YAP1: variants seen among roughly 807,000 people sequenced by gnomAD.
YAP1 encodes the protein transcriptional coactivator YAP1.
A neutral mutation model predicts 56.9 loss-of-function variants in YAP1; 5 were observed. That is an observed-to-expected ratio of 0.09 (90% CI 0.05 to 0.18). The LOEUF is 0.18. Among genes scored for constraint, YAP1 ranks in the 10% least tolerant of loss-of-function variants. The pLI is 1.00. For missense variants in YAP1, 539 were observed against 651.8 expected (o/e 0.83, Z 1.88); for synonymous variants, 265 against 248.1 (o/e 1.07, Z -0.64).
Position 102,230,051 on chromosome 11 carries a change from C to T in YAP1, c.*111C>T, listed in dbSNP as rs1167576429. On this transcript the variant is annotated 3_prime_UTR_variant, in exon 9 of 9. Coordinates refer to ENST00000282441, the MANE Select transcript of YAP1 (RefSeq NM_001130145.3). ...TCAGGCTAATACAGAAAAAGATGAA[C>T]AAACGTCCAGCAAGATACTTTAATC... 5 of 893,086 alleles carry T rather than the reference C, an allele frequency of 5.6e-6. No individual in the cohort carries two copies. The highest frequency in any genetic ancestry group is 8.8e-6 in the Non-Finnish European group (5 of 567,954). 55.3% of individuals were successfully genotyped at this position (893,086 alleles called of 1,614,324 possible).
chr11:102,126,887 A>G (rs2135201288), intron 2 of YAP1, among the ~76,000 whole-genome samples: 1 of 152,296 alleles, frequency 6.6e-6, no homozygotes, highest in African/African-American at 2.4e-5. Context: ...GAAATGAGGA[A>G]CTTCTTGGGA....
At chr11:102,159,825 A>G (rs1054775927) in intron 2 of YAP1, among the ~76,000 whole-genome samples, 7 of 152,098 alleles carry the variant, frequency 4.6e-5, no homozygotes, top group Admixed American at 2.6e-4. Context: ...TCTTTTCCAC[A>G]GAGGAGTCTT....
At chr11:102,177,194 A>G (rs1417249103) in intron 3 of YAP1, among the ~76,000 whole-genome samples, 2 of 152,076 alleles carry the variant, frequency 1.3e-5, no homozygotes, top group Non-Finnish European at 2.9e-5. Flanking sequence ...ATGTGGAGGA[A>G]TAGATAGAGC....
In YAP1 at chr11:102,230,705, G is replaced by A. The variant is rs1408826279; in HGVS notation, c.*765G>A. On this transcript the variant is annotated 3_prime_UTR_variant, in exon 9 of 9. Coordinates refer to ENST00000282441, the MANE Select transcript of YAP1 (RefSeq NM_001130145.3). ...GGCAGGGTCGGTGGGGGGGTTGGTT[G>A]GTTGGTTGGTTTTGTCGGAACCTAG... is the stretch of plus-strand genomic sequence containing the variant. 1 of 152,368 alleles carries A rather than the reference G, an allele frequency of 6.6e-6. No individual in the cohort carries two copies. Among genetic ancestry groups the A allele is most frequent in the African/African-American group, 2.4e-5 (1 of 41,364 alleles). The allele number at this position is 152,368 out of a possible 1,614,324, so 9.4% of individuals were successfully genotyped here.
At chr11:102,179,205 G>A (rs1253974443) in intron 3 of YAP1, among the ~76,000 whole-genome samples, 1 of 152,006 alleles carries the variant, frequency 6.6e-6, no homozygotes, top group Admixed American at 6.6e-5. Flanking sequence ...TTTTGCTATA[G>A]GGCCTACTTT....
In YAP1 at chr11:102,229,744, G is replaced by T; in HGVS notation, c.1319G>T (p.Arg440Leu). The T allele has an allele frequency of 1.2e-6, 2 of 1,614,122 alleles. No homozygotes were observed. Among genetic ancestry groups the T allele is most frequent in the Non-Finnish European group, 1.7e-6 (2 of 1,179,994 alleles). Residue 440 changes from arginine (R) to leucine (L), a missense_variant, in exon 9 of 9, where the codon CGT (arginine) becomes CTT (leucine). Coordinates refer to ENST00000282441, the MANE Select transcript of YAP1 (RefSeq NM_001130145.3). ...NQSTLPSQQN[R>L]FPDYLEAIPG... The stretch of plus-strand genomic sequence containing the variant: ...AGCACCCTGCCCTCACAGCAGAACC[G>T]TTTCCCAGACTACCTTGAAGCCATT...
At chr11:102,116,594 G>A (rs1943302332) in intron 2 of YAP1, among the ~76,000 whole-genome samples, 1 of 152,120 alleles carries the variant, frequency 6.6e-6, no homozygotes, top group Non-Finnish European at 1.5e-5. Flanking sequence ...AGATAAACCA[G>A]GCTAAAATAA....
intron 2 of YAP1, among the ~76,000 whole-genome samples, chr11:102,129,667 TG>T (rs1944257323): frequency 6.6e-6 from 1 of 151,758 alleles, no homozygotes; most frequent in Non-Finnish European, 1.5e-5. Context: ...GGCTGAGATG[TG>T]TTAGGACCCT....
intron 2 of YAP1, among the ~76,000 whole-genome samples, chr11:102,136,149 T>C (rs992505269): frequency 6.6e-6 from 1 of 152,222 alleles, no homozygotes. Flanking sequence ...AGTATACCAC[T>C]GTGGTTTTAA....
In YAP1 at chr11:102,110,995, C is replaced by G. The variant is rs1371025984; in HGVS notation, c.147C>G (p.Pro49=). The G allele has an allele frequency of 1.9e-6, 3 of 1,561,838 alleles. No individual in the cohort carries two copies. Among genetic ancestry groups the G allele is most frequent in the East Asian group, 5.1e-5 (2 of 39,104 alleles). ...CCCAGGCGGCGCCGCAGGCACCCCC[C>G]GCCGGGCATCAGATCGTGCACGTCC... The part of the protein sequence containing the change: ...AATQAAPQAP[P]AGHQIVHVRG... The change falls in exon 1 of 9, where the codon CCC becomes CCG. Residue 49 remains proline, a synonymous_variant. Transcript: ENST00000282441.
At chr11:102,135,743 T>A (rs1944636593) in intron 2 of YAP1, among the ~76,000 whole-genome samples, 1 of 152,194 alleles carries the variant, frequency 6.6e-6, no homozygotes, top group African/African-American at 2.4e-5. Flanking sequence ...GTAAAAAAAT[T>A]GGTGGTCATT....
In YAP1 at chr11:102,110,994, C is replaced by G; in HGVS notation, c.146C>G (p.Pro49Arg). Residue 49 changes from proline (P) to arginine (R), a missense_variant, in exon 1 of 9, where the codon CCC becomes CGC. By Grantham distance (103) the Pro-to-Arg change is moderately radical. Coordinates refer to ENST00000282441, the MANE Select transcript of YAP1 (RefSeq NM_001130145.3). ...AATQAAPQAP[P>R]AGHQIVHVRG... is the part of the protein sequence containing the mutation. ...ACCCAGGCGGCGCCGCAGGCACCCCCCGCCGGGCATCAGATCGTGCACGTC... is the reference window on the plus strand; with the variant it reads ...ACCCAGGCGGCGCCGCAGGCACCCCGCGCCGGGCATCAGATCGTGCACGTC... 1 of 1,560,934 alleles carries G rather than the reference C, an allele frequency of 6.4e-7. No homozygotes were observed. The highest frequency in any genetic ancestry group is 1.2e-5 in the South Asian group (1 of 86,522).
In YAP1 at chr11:102,144,688, G is replaced by A. The variant is rs150509576; in HGVS notation, c.573-17768G>A. Among the ~76,000 whole-genome samples the A allele has an allele frequency of 5.8e-3, 882 of 152,150 alleles. 10 individuals are homozygous for A. The highest frequency in any genetic ancestry group is 0.02 in the African/African-American group (843 of 41,516). ...TGCAAGAATTTTTTCTGTATTTTTA[G>A]CCCACCAGCCTAGCATGAAGTTAAA... On this transcript the variant is annotated intron_variant, in intron 2 of 8. Coordinates refer to ENST00000282441, the MANE Select transcript of YAP1 (RefSeq NM_001130145.3).
intron 2 of YAP1, among the ~76,000 whole-genome samples, chr11:102,152,526 C>G (rs1945715824): frequency 6.6e-6 from 1 of 152,148 alleles, no homozygotes; most frequent in Non-Finnish European, 1.5e-5. Flanking sequence ...ATTGTGGGCC[C>G]TTAATTAAAT....
intron 2 of YAP1, among the ~76,000 whole-genome samples, chr11:102,126,419 C>G (rs146504062): frequency 9.8e-5 from 15 of 152,292 alleles, no homozygotes; most frequent in Non-Finnish European, 2.2e-4. Context: ...AGGGGCCTTT[C>G]TTTCCCGTGC....
intron 2 of YAP1, among the ~76,000 whole-genome samples, chr11:102,136,496 A>G (rs980800332): frequency 1.3e-5 from 2 of 151,804 alleles, no homozygotes; most frequent in Non-Finnish European, 2.9e-5. Context: ...GGGTACTGCT[A>G]CCGTGCCTGG....
At chr11:102,220,333 C>A (rs1013917421) in intron 6 of YAP1, among the ~76,000 whole-genome samples, 1 of 151,964 alleles carries the variant, frequency 6.6e-6, no homozygotes, top group East Asian at 1.9e-4. Flanking sequence ...ACAAAAAAAC[C>A]AATAAGTGGT....
intron 6 of YAP1, among the ~76,000 whole-genome samples, chr11:102,221,567 C>CA (rs778715858): frequency 6.6e-6 from 1 of 151,794 alleles, no homozygotes; most frequent in Admixed American, 6.6e-5. Context: ...TACAAAAATA[C>CA]AAAAAATTAG....
intron 2 of YAP1, among the ~76,000 whole-genome samples, chr11:102,116,877 GTTAC>G: frequency 6.6e-6 from 1 of 152,244 alleles, no homozygotes; most frequent in South Asian, 2.1e-4. Context: ...TAAAATCATG[GTTAC>G]TTGGTATCTG....
Sources: gnomAD v4.1 joint callset for allele counts (sites outside exome capture counted in the v4.1 genomes callset) on GRCh38, gnomAD v4.1.1 for gene constraint, MANE v1.5 for transcripts, NCBI Gene and HGNC (gene_info 2026-07-23, HGNC 2026-07-21) for gene names.